IFT46: variants seen among roughly 807,000 people sequenced by gnomAD.
IFT46 encodes intraflagellar transport protein 46 homolog.
A neutral mutation model predicts 39.6 loss-of-function variants in IFT46; 19 were observed. That is an observed-to-expected ratio of 0.48 (90% CI 0.33 to 0.70). The LOEUF (loss-of-function observed/expected upper bound fraction) is 0.70. Ranked by LOEUF, IFT46 falls within the 30% of genes least tolerant of loss-of-function variation. IFT46 has a pLI of 0.01. For synonymous variants in IFT46, 117 were observed against 134.8 expected, an observed-to-expected ratio of 0.87 and a Z score of 0.91; for missense variants, 334 against 364.8, an observed-to-expected ratio of 0.92 and a Z score of 0.69.
intron 4 of IFT46, among the ~76,000 whole-genome samples, chr11:118,556,099 T>G (rs1184100): frequency 3.3e-5 from 5 of 152,176 alleles, no homozygotes; most frequent in African/African-American, 1.2e-4. Context: ...CATAGCTCAT[T>G]GCAGTCTCAA....
chr11:118,554,711 T>C, intron 6 of IFT46, 124 bp from the exon 7 acceptor site: 2 of 1,048,096 alleles, frequency 1.9e-6, no homozygotes, highest in Non-Finnish European at 2.7e-6. Flanking sequence ...TACGCAATAC[T>C]ATCCAGAAAA....
rs566994534 is a variant in IFT46 at position 118,554,345 on chromosome 11, C to T, written c.483+114G>A. On this transcript the variant is annotated intron_variant, in intron 7 of 11. Coordinates refer to ENST00000264021, the MANE Select transcript of IFT46 (RefSeq NM_001168618.2). ...TGCTGGGATTACAGGCGTGAGCCAC[C>T]GCACCCAGGCCCATCTCTTTTGACA... 110 of 1,100,550 alleles carry T rather than the reference C, an allele frequency of 1.0e-4. No individual in the cohort carries two copies. In the African/African-American group the frequency reaches 1.4e-3, roughly 14 times the overall value. 68.2% of individuals were successfully genotyped at this position (1,100,550 alleles called of 1,614,324 possible).
chr11:118,572,731 C>G, exon 1 of IFT46: 2 of 618,760 alleles, frequency 3.2e-6, no homozygotes, highest in South Asian at 2.4e-5. Context: ...TCCGATGGAG[C>G]TGACTCCAGT....
At chr11:118,555,987 G>T (rs1937818144) in intron 4 of IFT46, among the ~76,000 whole-genome samples, 1 of 151,814 alleles carries the variant, frequency 6.6e-6, no homozygotes, top group African/African-American at 2.4e-5. Flanking sequence ...AAAAATTATA[G>T]AAGTGTTTTT....
chr11:118,575,372 A>G (rs575336665), upstream of IFT46, among the ~76,000 whole-genome samples: 5 of 151,776 alleles, frequency 3.3e-5, no homozygotes, highest in Non-Finnish European at 7.4e-5. Context: ...CCATCTATTT[A>G]TGTCTTCATA....
intron 3 of IFT46, chr11:118,557,659 T>A: frequency 6.5e-7 from 1 of 1,534,088 alleles, no homozygotes. Flanking sequence ...TCCCTTCCCT[T>A]ACCCCATAAA....
chr11:118,570,179 G>A (rs145360095), upstream of IFT46, among the ~76,000 whole-genome samples: 954 of 147,318 alleles, frequency 6.5e-3, 11 homozygotes, highest in African/African-American at 0.023. Context: ...TCAGCCTCCC[G>A]AACAGCTGAG....
At chr11:118,572,320 C>G in intron 1 of IFT46, 1 of 491,402 alleles carries the variant, frequency 2.0e-6, no homozygotes, top group Admixed American at 3.4e-5. Context: ...GAGCGGGGTA[C>G]CCTCAATTTC....
chr11:118,550,342 G>A (rs980230681), intron 9 of IFT46, among the ~76,000 whole-genome samples: 1 of 152,030 alleles, frequency 6.6e-6, no homozygotes, highest in Non-Finnish European at 1.5e-5. Context: ...TAAGACACTT[G>A]AATTTTTTAA....
Position 118,554,490 on chromosome 11 carries a change from A to G in IFT46, c.452T>C (p.Leu151Ser). The change falls in exon 7 of 12, where the codon TTA becomes TCA. Residue 151 changes from leucine to serine, a missense_variant. Leu to Ser is a moderately radical substitution (Grantham distance 145). Transcript: ENST00000264021. ...QSDPTVLSLW[L>S]TENSKQHNIT... ...GTTGTGCTGCTTAGAATTCTCTGTT[A>G]ACCAGAGTGAGAGCACCGTAGGGTC... 1.2e-6 allele frequency: 2 copies of G among 1,613,038 alleles called. No homozygotes were observed.
At chr11:118,562,872 G>T (rs181021917) in intron 2 of IFT46, among the ~76,000 whole-genome samples, 4 of 151,982 alleles carry the variant, frequency 2.6e-5, no homozygotes, top group African/African-American at 7.2e-5. Context: ...GAGGCCATCC[G>T]GGCCAACATG....
chr11:118,553,439 C>CA (rs34453997), intron 7 of IFT46, among the ~76,000 whole-genome samples: 2,129 of 89,794 alleles, frequency 0.024, 41 homozygotes, highest in African/African-American at 0.064. Context: ...AAAACTGTCT[C>CA]AAAAAAAAAA....
intron 2 of IFT46, chr11:118,560,997 T>C (rs549053664): frequency 7.0e-7 from 1 of 1,425,212 alleles, no homozygotes; most frequent in Non-Finnish European, 9.8e-7. Context: ...ACTGGCCTGC[T>C]GCTGGCCCGC....
At chr11:118,555,562 AT>A in intron 4 of IFT46, 1 of 417,304 alleles carries the variant, frequency 2.4e-6, no homozygotes, top group Non-Finnish European at 4.3e-6. Context: ...TATTTTTTTG[AT>A]GTTAAAATGT....
In IFT46 at chr11:118,561,063, C is replaced by T. The variant is rs1166170126; in HGVS notation, c.-35-1199G>A. ...ATCTATGAAGGCCAAGTGGAGGAGA[C>T]TGGCAATGAATACAATGTGGAAAGC... On this transcript the variant is annotated intron_variant, in intron 2 of 11. Coordinates refer to ENST00000264021, the MANE Select transcript of IFT46 (RefSeq NM_001168618.2). 2.6e-6 allele frequency: 4 copies of T among 1,536,328 alleles called. No individual in the cohort carries two copies. In the East Asian group the frequency reaches 9.0e-5, roughly 35 times the overall value.
chr11:118,550,344 AT>A (rs1951782517), intron 9 of IFT46, among the ~76,000 whole-genome samples: 1 of 152,212 alleles, frequency 6.6e-6, no homozygotes, highest in Non-Finnish European at 1.5e-5. Context: ...AGACACTTGA[AT>A]TTTTTAAAAA....
upstream of IFT46, among the ~76,000 whole-genome samples, chr11:118,567,790 T>C (rs1938262057): frequency 6.6e-6 from 1 of 152,230 alleles, no homozygotes; most frequent in Non-Finnish European, 1.5e-5. Context: ...ACTTACTATG[T>C]AGGAGCACTT....
In IFT46 at chr11:118,544,853, C is replaced by T; in HGVS notation, c.*63G>A. 8.6e-7 allele frequency: 1 copy of T among 1,164,358 alleles called. No homozygotes were observed. The highest frequency in any genetic ancestry group is 1.3e-6 in the Non-Finnish European group (1 of 778,248). 72.1% of individuals were successfully genotyped at this position (1,164,358 alleles called of 1,614,324 possible). Reference sequence around the variant, plus strand: ...AGGACATCAAGTAGCTGACAACGATCTGTCCATCTCAGCTGGGGCAGAGGG... The same window carrying T: ...AGGACATCAAGTAGCTGACAACGATTTGTCCATCTCAGCTGGGGCAGAGGG... On this transcript the variant is annotated 3_prime_UTR_variant, in exon 12 of 12. Coordinates refer to ENST00000264021, the MANE Select transcript of IFT46 (RefSeq NM_001168618.2).
At chr11:118,547,838 C>A (rs1951727947) in intron 9 of IFT46, among the ~76,000 whole-genome samples, 1 of 150,090 alleles carries the variant, frequency 6.7e-6, no homozygotes, top group Non-Finnish European at 1.5e-5. Flanking sequence ...TCTCCGTCTC[C>A]CGGGTTCACG....
Sources: gnomAD v4.1 joint callset for allele counts (sites outside exome capture counted in the v4.1 genomes callset) on GRCh38, gnomAD v4.1.1 for gene constraint, MANE v1.5 for transcripts, NCBI Gene and HGNC (gene_info 2026-07-23, HGNC 2026-07-21) for gene names.